The following GPX6 variants were observed in gnomAD, a reference collection of about 807,000 sequenced individuals.
GPX6 encodes the protein glutathione peroxidase 6 (olfactory).
Under a neutral mutation model 20.0 loss-of-function variants are expected in GPX6, and 21 were observed. The observed-to-expected ratio is 1.05, with a 90% CI of 0.74 to 1.51. The LOEUF (loss-of-function observed/expected upper bound fraction) is 1.51. GPX6 is among the 40% of genes most tolerant of loss of function. The probability of loss-of-function intolerance (pLI) is 0.00; values close to 1 mark genes in which losing one functional copy is unlikely to be tolerated. For synonymous variants in GPX6, 75 were observed against 98.0 expected (o/e 0.77, Z 1.38); for missense variants, 233 against 254.7 (o/e 0.91, Z 0.58).
chr6:28,511,475 G>C (rs1449898381), intron 1 of GPX6, among the ~76,000 whole-genome samples: 2 of 152,152 alleles, frequency 1.3e-5, no homozygotes, highest in Admixed American at 6.5e-5. Flanking sequence ...CTCCACCCTC[G>C]GGCCTGTGCC....
chr6:28,515,565 G>T lies in GPX6; in HGVS notation c.87+92C>A. 3.4e-6 allele frequency: 3 copies of T among 895,040 alleles called. No homozygotes were observed. In the Admixed American group the frequency reaches 5.7e-5, roughly 17 times the overall value. The allele number at this position is 895,040 out of a possible 1,614,324, so 55.4% of individuals were successfully genotyped here. On this transcript the variant is annotated intron_variant, in intron 1 of 4. Coordinates refer to ENST00000361902, the MANE Select transcript of GPX6 (RefSeq NM_182701.1). ...GCTGGGAATGCAGATCTTGTCCTTCGAAAGGGGAGAGTAGAGAACTCCTTG... is the reference window on the plus strand; with the variant it reads ...GCTGGGAATGCAGATCTTGTCCTTCTAAAGGGGAGAGTAGAGAACTCCTTG...
intron 2 of GPX6, among the ~76,000 whole-genome samples, chr6:28,509,653 C>T (rs1438759248): frequency 6.6e-6 from 1 of 152,112 alleles, no homozygotes; most frequent in Non-Finnish European, 1.5e-5. Flanking sequence ...GTTCTTGGCC[C>T]GTCCAAAGCT....
At chr6:28,513,536 A>G (rs909162991) in intron 1 of GPX6, among the ~76,000 whole-genome samples, 1 of 152,124 alleles carries the variant, frequency 6.6e-6, no homozygotes, top group African/African-American at 2.4e-5. Flanking sequence ...TTGAAAACTC[A>G]TCCTTGGCAC....
At chr6:28,511,002 A>G in intron 1 of GPX6, 98 bp from the exon 2 acceptor site, 1 of 1,050,310 alleles carries the variant, frequency 9.5e-7, no homozygotes, top group Non-Finnish European at 1.3e-6. Context: ...TTCATGTAAT[A>G]TCTTGAAATT....
In GPX6 at chr6:28,512,638, G is replaced by T. The variant is rs1003611471; in HGVS notation, c.88-1734C>A. Among the ~76,000 whole-genome samples, 16 of 152,304 alleles carry T rather than the reference G, an allele frequency of 1.1e-4. No individual in the cohort carries two copies. The East Asian group carries it at 3.1e-3, about 29-fold the overall frequency. ...GCCGGAGCCAGCAGTGGCAGCCCCCGTGGGTCCCCTTCCACACTGTGGGAG... is the reference window on the plus strand; with the variant it reads ...GCCGGAGCCAGCAGTGGCAGCCCCCTTGGGTCCCCTTCCACACTGTGGGAG... On this transcript the variant is annotated intron_variant, in intron 1 of 4. Coordinates refer to ENST00000361902, the MANE Select transcript of GPX6 (RefSeq NM_182701.1).
chr6:28,504,025 ACACACACACACACACACACACACAC>A lies in GPX6; in HGVS notation c.*242_*266del. The A allele has an allele frequency of 4.3e-6, 1 of 231,676 alleles. No individual in the cohort carries two copies. The highest frequency in any genetic ancestry group is 6.9e-6 in the Non-Finnish European group (1 of 144,772). The allele number at this position is 231,676 out of a possible 1,614,324, so 14.4% of individuals were successfully genotyped here. A position where few individuals can be genotyped will look rare whatever the true frequency, so the allele number is the denominator to read the frequency against. On this transcript the variant is annotated 3_prime_UTR_variant, in exon 5 of 5. Coordinates refer to ENST00000361902, the MANE Select transcript of GPX6 (RefSeq NM_182701.1). ...GTGTTCTTTTCCTTAATCTTCAAAC[ACACACACACACACACACACACACAC>A]CATACATACACCTATGCATATACCA...
At position 28,504,274 on chromosome 6, in the gene GPX6, G is replaced by A; in HGVS notation, c.*18C>T. The A allele has an allele frequency of 2.5e-6, 4 of 1,606,866 alleles. No homozygotes were observed. The highest frequency in any genetic ancestry group is 3.4e-6 in the Non-Finnish European group (4 of 1,173,760). The stretch of plus-strand genomic sequence containing the variant: ...GGTGGGAGACAGGGTAGTTATTTCT[G>A]TCAGTCGCTAGCCCTTCCTAGTGGG... On this transcript the variant is annotated 3_prime_UTR_variant, in exon 5 of 5. Transcript: ENST00000361902.
chr6:28,514,712 T>C (rs558077741), intron 1 of GPX6, among the ~76,000 whole-genome samples: 55 of 152,346 alleles, frequency 3.6e-4, no homozygotes, highest in African/African-American at 4.1e-4. Flanking sequence ...GCAATTGTGC[T>C]TTAACCAGCT....
At chr6:28,513,126 C>T (rs923311197) in intron 1 of GPX6, among the ~76,000 whole-genome samples, 1 of 152,224 alleles carries the variant, frequency 6.6e-6, no homozygotes, top group Non-Finnish European at 1.5e-5. Context: ...TCTCTTTTGG[C>T]TCCCCCATCT....
chr6:28,513,319 C>T (rs35758328), intron 1 of GPX6, among the ~76,000 whole-genome samples: 4 of 152,174 alleles, frequency 2.6e-5, no homozygotes, highest in South Asian at 2.1e-4. Flanking sequence ...TAAGAGCACC[C>T]TGTAACACAC....
At chr6:28,513,986 T>C (rs1762977553) in intron 1 of GPX6, among the ~76,000 whole-genome samples, 1 of 152,262 alleles carries the variant, frequency 6.6e-6, no homozygotes, top group South Asian at 2.1e-4. Context: ...TCTGTGCATA[T>C]ACATTAGTCA....
chr6:28,513,596 G>A (rs758953881), intron 1 of GPX6, among the ~76,000 whole-genome samples: 26 of 152,254 alleles, frequency 1.7e-4, no homozygotes, highest in South Asian at 6.2e-4. Context: ...ATGAATTAAA[G>A]TTCATAAAAT....
chr6:28,507,718 C>A (rs1346184644), intron 2 of GPX6, among the ~76,000 whole-genome samples: 3 of 152,186 alleles, frequency 2.0e-5, no homozygotes, highest in Admixed American at 1.3e-4. Flanking sequence ...GCATGTGCCA[C>A]CATGCCCAGC....
chr6:28,504,121 C>CACACACAG lies in GPX6; in HGVS notation c.*170_*171insCTGTGTGT. ...CCATACACACACACACACACACACACACAGCTACACACACATGCTAAGCAG... is the reference window on the plus strand; with the variant it reads ...CCATACACACACACACACACACACACACACACAGACAGCTACACACACATGCTAAGCAG... On this transcript the variant is annotated 3_prime_UTR_variant, in exon 5 of 5. Coordinates refer to ENST00000361902, the MANE Select transcript of GPX6 (RefSeq NM_182701.1). 1 of 617,718 alleles carries CACACACAG rather than the reference C, an allele frequency of 1.6e-6. No individual in the cohort carries two copies. Among genetic ancestry groups the CACACACAG allele is most frequent in the African/African-American group, 1.8e-5 (1 of 54,184 alleles). The allele number at this position is 617,718 out of a possible 1,614,324, so 38.3% of individuals were successfully genotyped here.
intron 2 of GPX6, among the ~76,000 whole-genome samples, 193 bp from the exon 3 acceptor site, chr6:28,506,622 G>A (rs73740964): frequency 0.018 from 2,676 of 149,330 alleles, 71 homozygotes; most frequent in African/African-American, 0.055. Context: ...AAATGCATCT[G>A]AATGGCTGCT....
Position 28,511,107 on chromosome 6 carries a change from G to T in GPX6, c.88-203C>A, listed in dbSNP as rs760941087. On this transcript the variant is annotated intron_variant, in intron 1 of 4. Coordinates refer to ENST00000361902, the MANE Select transcript of GPX6 (RefSeq NM_182701.1). ...CTTCTAAATTACAAGCCATTTTTTT[G>T]TGTGTGTGGCAAGACAAGCATTTCA... is the stretch of plus-strand genomic sequence containing the variant. 2.5e-4 allele frequency among the ~76,000 whole-genome samples: 38 copies of T among 151,946 alleles called. No homozygotes were observed. The East Asian group carries it at 3.7e-3, about 15-fold the overall frequency.
At chr6:28,504,526 T>C in intron 4 of GPX6, 28 bp from the exon 5 acceptor site, 2 of 1,583,854 alleles carry the variant, frequency 1.3e-6, no homozygotes, top group Non-Finnish European at 8.7e-7. Context: ...AAAGTAGAGA[T>C]ATACATTTAT....
chr6:28,506,306 A>C lies in GPX6; in HGVS notation c.359+6T>G, dbSNP rs1268227678. ...GGCATCTGCAGGGTCCCATGCAAGC[A>C]CTCACTTGAGACCAAGAAGTATTTC... On this transcript the variant is annotated splice_donor_region_variant and intron_variant, in intron 3 of 4. Transcript: ENST00000361902. The C allele has an allele frequency of 6.5e-7, 1 of 1,543,216 alleles. No individual in the cohort carries two copies.
intron 1 of GPX6, among the ~76,000 whole-genome samples, chr6:28,511,573 G>A (rs752373860): frequency 1.3e-5 from 2 of 152,274 alleles, no homozygotes; most frequent in Non-Finnish European, 2.9e-5. Context: ...GCAGCCAGAG[G>A]CACTGGCGCT....
Sources: allele counts gnomAD v4.1 joint callset (sites outside exome capture counted in the v4.1 genomes callset), GRCh38; gene constraint gnomAD v4.1.1; transcripts MANE v1.5; gene names NCBI Gene and HGNC (gene_info 2026-07-23, HGNC 2026-07-21).